GRID2: variants seen among roughly 807,000 people sequenced by gnomAD.
The protein encoded by GRID2 is glutamate receptor ionotropic, delta-2.
GRID2 carries 33 observed loss-of-function variants against 114.8 expected under a neutral mutation model. The observed-to-expected ratio is 0.29, with a 90% CI of 0.22 to 0.38. The LOEUF is 0.38. Among genes scored for constraint, GRID2 ranks in the 10% least tolerant of loss-of-function variants. GRID2 has a pLI of 1.00. For synonymous variants in GRID2, 505 were observed against 449.9 expected (o/e 1.12, Z -1.55); for missense variants, 1,184 against 1,257.7 (o/e 0.94, Z 0.89).
chr4:93,808,353 A>C (rs1735070434), exon 2 of GRID2: 2 of 152,216 alleles, frequency 1.3e-5, no homozygotes, highest in Non-Finnish European at 2.9e-5. Context: ...AACATTATAT[A>C]CTGTACCTAC....
intron 1 of GRID2, among the ~76,000 whole-genome samples, chr4:92,415,432 A>G (rs1731547022): frequency 6.6e-6 from 1 of 151,818 alleles, no homozygotes; most frequent in Non-Finnish European, 1.5e-5. Context: ...CAAGCAGTGT[A>G]CACTGTACCT....
At chr4:93,210,323 A>G (rs928471767) in intron 5 of GRID2, among the ~76,000 whole-genome samples, 3 of 152,014 alleles carry the variant, frequency 2.0e-5, no homozygotes, top group African/African-American at 7.2e-5. Context: ...TATCCCAGCA[A>G]TCATTTATTA....
intron 11 of GRID2, among the ~76,000 whole-genome samples, chr4:93,474,543 T>C (rs1725141558): frequency 6.6e-6 from 1 of 152,144 alleles, no homozygotes; most frequent in African/African-American, 2.4e-5. Context: ...CCTAAATTTT[T>C]AGTGTAGGAA....
At chr4:93,284,219 A>G (rs1752919466) in intron 8 of GRID2, among the ~76,000 whole-genome samples, 1 of 152,112 alleles carries the variant, frequency 6.6e-6, no homozygotes, top group Admixed American at 6.6e-5. Flanking sequence ...TGAAAACATA[A>G]CAACATTTTT....
intron 4 of GRID2, among the ~76,000 whole-genome samples, chr4:93,123,890 C>G (rs543050322): frequency 2.8e-5 from 4 of 143,268 alleles, no homozygotes; most frequent in Non-Finnish European, 4.5e-5. Context: ...TGAGTTTTCC[C>G]TCCATGAAAT....
intron 2 of GRID2, among the ~76,000 whole-genome samples, chr4:92,808,138 G>T (rs777758352): frequency 6.6e-6 from 1 of 151,948 alleles, no homozygotes; most frequent in Non-Finnish European, 1.5e-5. Context: ...TGGAAGAAAA[G>T]GGTGTAAGCT....
chr4:93,425,841 G>T (rs1490136532), intron 10 of GRID2, among the ~76,000 whole-genome samples: 1 of 152,108 alleles, frequency 6.6e-6, no homozygotes, highest in Non-Finnish European at 1.5e-5. Context: ...GCCTAATAAA[G>T]GAGGGCTCTA....
At chr4:92,611,122 GTGTGTGTGCA>G (rs1224372697) in intron 2 of GRID2, among the ~76,000 whole-genome samples, 5 of 140,992 alleles carry the variant, frequency 3.5e-5, no homozygotes, top group African/African-American at 2.7e-5. Flanking sequence ...GTGTATGTGT[GTGTGTGTGCA>G]TGTGTGTGTG....
At chr4:92,512,589 T>C (rs892791987) in intron 1 of GRID2, among the ~76,000 whole-genome samples, 19 of 151,824 alleles carry the variant, frequency 1.3e-4, no homozygotes, top group African/African-American at 3.6e-4. Context: ...ACTAAATTAA[T>C]ATTTTGGGGT....
intron 10 of GRID2, among the ~76,000 whole-genome samples, chr4:93,441,575 T>A (rs543569996): frequency 6.6e-6 from 1 of 152,108 alleles, no homozygotes; most frequent in African/African-American, 2.4e-5. Flanking sequence ...AGTACAACAT[T>A]AAAACCACAA....
intron 14 of GRID2, among the ~76,000 whole-genome samples, chr4:93,741,198 T>TATAC (rs1731382422): frequency 3.4e-5 from 1 of 28,988 alleles, no homozygotes; most frequent in Non-Finnish European, 6.0e-5. Flanking sequence ...TATATATATA[T>TATAC]ATGTATATAT....
intron 4 of GRID2, among the ~76,000 whole-genome samples, chr4:93,170,854 C>CT (rs112575633): frequency 0.028 from 4,016 of 145,732 alleles, 186 homozygotes; most frequent in African/African-American, 0.091. Flanking sequence ...ATGTTTGATT[C>CT]TTTTTTTTTT....
Position 92,903,022 on chromosome 4 carries a change from G to A in GRID2, c.245-181973G>A, listed in dbSNP as rs899857279. 3.3e-5 allele frequency among the ~76,000 whole-genome samples: 5 copies of A among 151,722 alleles called. No individual in the cohort carries two copies. In the East Asian group the frequency reaches 9.7e-4, roughly 29 times the overall value. On this transcript the variant is annotated intron_variant, in intron 2 of 15. Transcript: ENST00000282020. ...AGATTTTTTCTTTTTGCTTAGGATC[G>A]CTTCGGTTATTCAGGCTCCTTTCTG...
chr4:92,531,318 A>G (rs533235385), intron 1 of GRID2, among the ~76,000 whole-genome samples: 1 of 152,296 alleles, frequency 6.6e-6, no homozygotes, highest in East Asian at 1.9e-4. Context: ...ATTCAGGTAT[A>G]GTTTTTCAGT....
At chr4:93,228,326 A>C (rs916571433) in intron 7 of GRID2, among the ~76,000 whole-genome samples, 1 of 152,184 alleles carries the variant, frequency 6.6e-6, no homozygotes, top group Non-Finnish European at 1.5e-5. Context: ...AAGGGGACCA[A>C]ACTCTTGTGA....
chr4:93,463,296 G>T lies in GRID2; in HGVS notation c.1858+7322G>T, dbSNP rs538884546. Reference sequence around the variant, plus strand: ...CTAGAAAACAGTGCCATGATTTTAAGCTGTGAATGCATTGGTTTACATTCC... The same window carrying T: ...CTAGAAAACAGTGCCATGATTTTAATCTGTGAATGCATTGGTTTACATTCC... On this transcript the variant is annotated intron_variant, in intron 11 of 15. Transcript: ENST00000282020. Among the ~76,000 whole-genome samples the T allele has an allele frequency of 2.9e-4, 44 of 152,270 alleles. 1 individual carries two copies. In the South Asian group the frequency reaches 8.9e-3, roughly 31 times the overall value.
chr4:93,060,901 G>C (rs761464915), intron 2 of GRID2, among the ~76,000 whole-genome samples: 5 of 151,988 alleles, frequency 3.3e-5, no homozygotes, highest in South Asian at 4.1e-4. Flanking sequence ...TCAGGAGTTC[G>C]AGACCAGACT....
intron 8 of GRID2, among the ~76,000 whole-genome samples, chr4:93,352,969 G>A (rs1760948510): frequency 1.3e-5 from 2 of 151,974 alleles, no homozygotes; most frequent in Admixed American, 6.6e-5. Flanking sequence ...ATCAAGAAGG[G>A]CAGAAATAAA....
intron 2 of GRID2, among the ~76,000 whole-genome samples, chr4:92,923,730 C>T (rs1749561600): frequency 6.6e-6 from 1 of 152,092 alleles, no homozygotes; most frequent in South Asian, 2.1e-4. Flanking sequence ...CATGAATATT[C>T]ACCAGTGAAG....
Sources: gnomAD v4.1 joint callset for allele counts (sites outside exome capture counted in the v4.1 genomes callset) on GRCh38, gnomAD v4.1.1 for gene constraint, MANE v1.5 for transcripts, NCBI Gene and HGNC (gene_info 2026-07-23, HGNC 2026-07-21) for gene names.